FGF7: variants seen among roughly 807,000 people sequenced by gnomAD.
FGF7 encodes FGF-7.
A neutral mutation model predicts 20.5 loss-of-function variants in FGF7; 6 were observed. That is an observed-to-expected ratio of 0.29 (90% CI 0.16 to 0.58). The LOEUF (loss-of-function observed/expected upper bound fraction) is 0.58. Ranked by LOEUF, FGF7 falls within the 20% of genes least tolerant of loss-of-function variation. FGF7 has a pLI of 0.90. For synonymous variants in FGF7, 64 were observed against 74.7 expected, an observed-to-expected ratio of 0.86 and a Z score of 0.74; for missense variants, 144 against 228.8, an observed-to-expected ratio of 0.63 and a Z score of 2.39.
At chr15:49,462,880 C>T (rs1800598196) in intron 2 of FGF7, among the ~76,000 whole-genome samples, 2 of 152,110 alleles carry the variant, frequency 1.3e-5, no homozygotes, top group Admixed American at 1.3e-4. Flanking sequence ...TAAATAAATA[C>T]ATTTTATTCT....
At chr15:49,483,124 G>C (rs1224460053) in intron 2 of FGF7, 27 bp from the exon 3 acceptor site, 1 of 1,231,826 alleles carries the variant, frequency 8.1e-7, no homozygotes, top group South Asian at 1.2e-5. Flanking sequence ...ACGAATATTT[G>C]ACATGTCTTT....
intron 2 of FGF7, among the ~76,000 whole-genome samples, chr15:49,482,285 A>G (rs1423910414): frequency 1.3e-5 from 2 of 149,558 alleles, no homozygotes; most frequent in African/African-American, 5.0e-5. Flanking sequence ...TTTAAGGAAG[A>G]TATATATAAT....
intron 2 of FGF7, among the ~76,000 whole-genome samples, chr15:49,438,998 G>C (rs1219575792): frequency 6.6e-6 from 1 of 151,736 alleles, no homozygotes; most frequent in East Asian, 1.9e-4. Flanking sequence ...CAGTTTCAGA[G>C]GGTCAGGAAT....
intron 2 of FGF7, among the ~76,000 whole-genome samples, chr15:49,459,503 A>G (rs1432191512): frequency 2.0e-5 from 3 of 152,046 alleles, no homozygotes; most frequent in Non-Finnish European, 2.9e-5. Context: ...ATGAACCTGC[A>G]TTTCAGCATT....
rs947514073 is a variant in FGF7, at chr15:49,424,214, A to G, written c.-84A>G. ...ATCAATCTACAATTCACAGATAGGA[A>G]GAGGTCAATGACCTAGGAGTAACAA... On this transcript the variant is annotated 5_prime_UTR_variant, in exon 2 of 4. Coordinates refer to ENST00000267843, the MANE Select transcript of FGF7 (RefSeq NM_002009.4). 7 of 1,195,906 alleles carry G rather than the reference A, an allele frequency of 5.9e-6. No homozygotes were observed. In the African/African-American group the frequency reaches 7.5e-5, roughly 13 times the overall value. The allele number at this position is 1,195,906 out of a possible 1,614,324, so 74.1% of individuals were successfully genotyped here.
chr15:49,457,652 A>G (rs1335050751), intron 2 of FGF7, among the ~76,000 whole-genome samples: 1 of 151,982 alleles, frequency 6.6e-6, no homozygotes, highest in African/African-American at 2.4e-5. Context: ...ATCTTAGAGC[A>G]GAATCTTTGA....
At chr15:49,458,720 T>A (rs2053535677) in intron 2 of FGF7, among the ~76,000 whole-genome samples, 1 of 152,090 alleles carries the variant, frequency 6.6e-6, no homozygotes, top group Non-Finnish European at 1.5e-5. Flanking sequence ...CTAAAAGCAA[T>A]AGGATTAGTT....
chr15:49,470,133 G>A (rs2054606036), intron 2 of FGF7, among the ~76,000 whole-genome samples: 1 of 152,072 alleles, frequency 6.6e-6, no homozygotes, highest in South Asian at 2.1e-4. Flanking sequence ...TATGATCAAA[G>A]CGTGGAAAAT....
intron 2 of FGF7, among the ~76,000 whole-genome samples, chr15:49,464,870 T>C (rs2054124448): frequency 6.6e-6 from 1 of 152,142 alleles, no homozygotes; most frequent in Non-Finnish European, 1.5e-5. Context: ...CATCCTGCAA[T>C]TAGAATGAAT....
At chr15:49,433,030 T>G (rs1031799518) in intron 2 of FGF7, among the ~76,000 whole-genome samples, 2 of 151,522 alleles carry the variant, frequency 1.3e-5, no homozygotes, top group Non-Finnish European at 3.0e-5. Context: ...GGAGCAAAAT[T>G]TGTTGCTATT....
intron 2 of FGF7, among the ~76,000 whole-genome samples, chr15:49,479,597 C>CTGTTTTTT (rs2055709347): frequency 1.3e-4 from 13 of 102,086 alleles, no homozygotes; most frequent in African/African-American, 5.4e-4. Flanking sequence ...GTTAATACCT[C>CTGTTTTTT]TGTTTTTTTT....
chr15:49,468,731 A>G (rs1029504405), intron 2 of FGF7, among the ~76,000 whole-genome samples: 4 of 152,176 alleles, frequency 2.6e-5, no homozygotes, highest in Non-Finnish European at 5.9e-5. Context: ...TTCCTAACTC[A>G]AACATTGAAT....
At chr15:49,441,284 A>G (rs1300579828) in intron 2 of FGF7, among the ~76,000 whole-genome samples, 1 of 151,808 alleles carries the variant, frequency 6.6e-6, no homozygotes, top group African/African-American at 2.4e-5. Context: ...ATACTTATTT[A>G]GCATCAATTT....
At chr15:49,473,331 T>C (rs1462561697) in intron 2 of FGF7, among the ~76,000 whole-genome samples, 1 of 152,126 alleles carries the variant, frequency 6.6e-6, no homozygotes, top group Non-Finnish European at 1.5e-5. Context: ...TAACAAACCA[T>C]TGGTTAACAA....
At chr15:49,431,432 G>T (rs2050609598) in intron 2 of FGF7, among the ~76,000 whole-genome samples, 1 of 151,822 alleles carries the variant, frequency 6.6e-6, no homozygotes, top group Non-Finnish European at 1.5e-5. Context: ...GTAGTAATAT[G>T]TAAAGACAAA....
At chr15:49,479,363 A>G (rs9302149) in intron 2 of FGF7, among the ~76,000 whole-genome samples, 150,618 of 152,106 alleles carry the variant, frequency 0.99, 74,594 homozygotes, top group Middle Eastern at 1. Flanking sequence ...TTTACTGGGT[A>G]CTACTTAATG....
At chr15:49,462,393 T>C (rs1449596158) in intron 2 of FGF7, among the ~76,000 whole-genome samples, 1 of 152,206 alleles carries the variant, frequency 6.6e-6, no homozygotes, top group East Asian at 1.9e-4. Context: ...TTAATCACAA[T>C]GCTTTTTCCC....
chr15:49,476,225 G>C (rs56159203), intron 2 of FGF7, among the ~76,000 whole-genome samples: 2 of 91,694 alleles, frequency 2.2e-5, no homozygotes, highest in Non-Finnish European at 4.6e-5. Flanking sequence ...TTGTTTTTTT[G>C]TTTTTGGTTT....
chr15:49,443,244 T>C (rs2151847047), intron 2 of FGF7, among the ~76,000 whole-genome samples: 1 of 151,804 alleles, frequency 6.6e-6, no homozygotes, highest in Admixed American at 6.6e-5. Context: ...AAAAGAAAAG[T>C]AATAAATACT....
Sources: allele counts gnomAD v4.1 joint callset (sites outside exome capture counted in the v4.1 genomes callset), GRCh38; gene constraint gnomAD v4.1.1; transcripts MANE v1.5; gene names NCBI Gene and HGNC (gene_info 2026-07-23, HGNC 2026-07-21).